The following LRCH3 variants were observed in gnomAD, a reference collection of about 807,000 sequenced individuals.
LRCH3 encodes DISP complex protein LRCH3.
In LRCH3, 68 loss-of-function variants were observed where a neutral mutation model predicts 104.5. The ratio of observed to expected loss-of-function variants is 0.65; its 90% CI spans 0.54 to 0.80. The LOEUF (loss-of-function observed/expected upper bound fraction) is 0.80. Ranked by LOEUF, LRCH3 falls within the 30% of genes least tolerant of loss-of-function variation. LRCH3 has a pLI of 0.00. For synonymous variants in LRCH3, 344 were observed against 361.3 expected, an observed-to-expected ratio of 0.95 and a Z score of 0.54; for missense variants, 951 against 953.9, an observed-to-expected ratio of 1.00 and a Z score of 0.04.
chr3:197,847,783 G>A (rs1738970541), intron 11 of LRCH3, 89 bp from the exon 12 acceptor site: 6 of 1,262,660 alleles, frequency 4.8e-6, no homozygotes, highest in Middle Eastern at 2.0e-4. Flanking sequence ...AGTTGCATGG[G>A]TCAACAGTAG....
intron 15 of LRCH3, among the ~76,000 whole-genome samples, chr3:197,862,288 C>T (rs572161294): frequency 1.3e-4 from 20 of 152,292 alleles, no homozygotes; most frequent in Non-Finnish European, 2.2e-4. Flanking sequence ...GAGCCTACTG[C>T]GCCCGGCCTG....
At chr3:197,863,871 A>G (rs76572266) in intron 15 of LRCH3, among the ~76,000 whole-genome samples, 7,312 of 152,306 alleles carry the variant, frequency 0.048, 624 homozygotes, top group African/African-American at 0.17. Flanking sequence ...AGTACTTTAG[A>G]AACTATTATG....
At position 197,805,185 on chromosome 3, in the gene LRCH3, G is replaced by A. The variant is rs548936203; in HGVS notation, c.263-9723G>A. Among the ~76,000 whole-genome samples the A allele has an allele frequency of 4.6e-4, 70 of 152,178 alleles. No individual in the cohort carries two copies. The South Asian group carries it at 0.014, about 30-fold the overall frequency. On this transcript the variant is annotated intron_variant, in intron 1 of 20. Transcript: ENST00000425562. ...TGGGATTACAGGCGTGAGCCACCGC[G>A]CCTGGCCAAGAAAGCCATTTTTTCA...
intron 4 of LRCH3, chr3:197,822,779 TTCAAAAAATA>T (rs1257408638): frequency 1.3e-5 from 2 of 152,016 alleles, no homozygotes; most frequent in African/African-American, 4.8e-5. Flanking sequence ...TGTTACATCA[TTCAAAAAATA>T]TTAAAAAATA....
intron 9 of LRCH3, among the ~76,000 whole-genome samples, chr3:197,837,882 A>G (rs894390611): frequency 7.1e-6 from 1 of 141,306 alleles, no homozygotes; most frequent in African/African-American, 2.7e-5. Flanking sequence ...CGCTGTCTCT[A>G]CTAAAAATAT....
Position 197,835,143 on chromosome 3 carries a change from CAAA to C in LRCH3, c.1103-526_1103-524del, listed in dbSNP as rs529181431. 4.7e-3 allele frequency among the ~76,000 whole-genome samples: 706 copies of C among 151,370 alleles called. 4 individuals are homozygous for C. Among genetic ancestry groups the C allele is most frequent in the African/African-American group, 0.016 (673 of 41,312 alleles). On this transcript the variant is annotated intron_variant, in intron 8 of 20. Transcript: ENST00000425562. ...TGGATGACAAAGGGAGACCCTGTCT[CAAA>C]AAAACAAAACAAAATAAAATATAAG...
chr3:197,882,733 G>T lies in LRCH3; in HGVS notation c.2209-808G>T, dbSNP rs1041104665. ...GAAAGGGTTAACCTAACAAATTAAC[G>T]ATGCACACATTAAGGAAGCGTTTAA... On this transcript the variant is annotated intron_variant, in intron 20 of 20. Coordinates refer to ENST00000425562, the MANE Select transcript of LRCH3 (RefSeq NM_001365715.1). The T allele has an allele frequency of 2.2e-5, 22 of 985,212 alleles. No individual in the cohort carries two copies. The African/African-American group carries it at 3.7e-4, about 16-fold the overall frequency. 61.0% of individuals were successfully genotyped at this position (985,212 alleles called of 1,614,324 possible).
intron 1 of LRCH3, among the ~76,000 whole-genome samples, chr3:197,800,536 G>C (rs1450954209): frequency 6.6e-6 from 1 of 152,184 alleles, no homozygotes; most frequent in Non-Finnish European, 1.5e-5. Flanking sequence ...GAGCAGTGGA[G>C]ACACTCATAC....
At chr3:197,862,496 A>G (rs1741000700) in intron 15 of LRCH3, among the ~76,000 whole-genome samples, 1 of 152,052 alleles carries the variant, frequency 6.6e-6, no homozygotes, top group South Asian at 2.1e-4. Flanking sequence ...TTAAATTTCT[A>G]GTCTATGTCC....
At chr3:197,858,735 A>G (rs977983750) in intron 14 of LRCH3, 99 bp from the exon 15 acceptor site, 2 of 971,336 alleles carry the variant, frequency 2.1e-6, no homozygotes, top group Non-Finnish European at 3.4e-6. Flanking sequence ...ATCGTCAGTG[A>G]CCTTTCCTTT....
intron 3 of LRCH3, among the ~76,000 whole-genome samples, chr3:197,817,853 C>T (rs1270315570): frequency 2.0e-5 from 3 of 152,072 alleles, no homozygotes; most frequent in Non-Finnish European, 2.9e-5. Flanking sequence ...CAGAGTGTTG[C>T]TCTGTCACCT....
chr3:197,861,718 T>C (rs1331595396), intron 15 of LRCH3, among the ~76,000 whole-genome samples: 1 of 152,192 alleles, frequency 6.6e-6, no homozygotes, highest in Non-Finnish European at 1.5e-5. Context: ...GTTGAGTTTA[T>C]ATCAGTTCTG....
intron 14 of LRCH3, among the ~76,000 whole-genome samples, chr3:197,858,611 A>G (rs973337934): frequency 2.0e-5 from 3 of 152,118 alleles, no homozygotes; most frequent in African/African-American, 7.2e-5. Context: ...TTAATGTGGC[A>G]TGAGGTATTG....
At chr3:197,861,851 A>G (rs867729315) in intron 15 of LRCH3, among the ~76,000 whole-genome samples, 1 of 152,174 alleles carries the variant, frequency 6.6e-6, no homozygotes, top group African/African-American at 2.4e-5. Flanking sequence ...GATTTAAGCT[A>G]ATGATTTTTA....
At chr3:197,832,685 C>CTT (rs77343938) in intron 8 of LRCH3, among the ~76,000 whole-genome samples, 39 of 129,794 alleles carry the variant, frequency 3.0e-4, no homozygotes, top group African/African-American at 9.9e-4. Context: ...GAATTTAGTC[C>CTT]TTTTTTTTTT....
At chr3:197,824,509 A>C (rs1580661147) in intron 4 of LRCH3, among the ~76,000 whole-genome samples, 10 of 145,846 alleles carry the variant, frequency 6.9e-5, no homozygotes, top group East Asian at 2.0e-4. Context: ...CTGCACTTCC[A>C]CCTCACTGAG....
intron 7 of LRCH3, 68 bp from the exon 8 acceptor site, chr3:197,832,129 A>C: frequency 2.0e-6 from 3 of 1,520,710 alleles, no homozygotes; most frequent in Non-Finnish European, 2.7e-6. Context: ...CCCAAAGCGC[A>C]TGGATTACAG....
Position 197,813,535 on chromosome 3 carries a change from T to C in LRCH3, c.263-1373T>C, listed in dbSNP as rs1345185021. ...ATTTTTTTTTTTTTTTTTTTTTTTT[T>C]TTTTTTTTTTTTTGAGATGGAATCT... On this transcript the variant is annotated intron_variant, in intron 1 of 20. Coordinates refer to ENST00000425562, the MANE Select transcript of LRCH3 (RefSeq NM_001365715.1). Among the ~76,000 whole-genome samples, 24 of 120,428 alleles carry C rather than the reference T, an allele frequency of 2.0e-4. 1 individual carries two copies. In the East Asian group the frequency reaches 4.3e-3, roughly 21 times the overall value. 79.0% of individuals were successfully genotyped at this position (120,428 alleles called of 152,430 possible). A position where few individuals can be genotyped will look rare whatever the true frequency, so the allele number is the denominator to read the frequency against.
chr3:197,859,686 C>T (rs1740661930), intron 15 of LRCH3, among the ~76,000 whole-genome samples: 1 of 152,124 alleles, frequency 6.6e-6, no homozygotes. Context: ...CTTTGTCTAA[C>T]TTACAACTGT....
Sources: allele counts gnomAD v4.1 joint callset (sites outside exome capture counted in the v4.1 genomes callset), GRCh38; gene constraint gnomAD v4.1.1; transcripts MANE v1.5; gene names NCBI Gene and HGNC (gene_info 2026-07-23, HGNC 2026-07-21).